Variants in TFEC observed in about 807,000 individuals in gnomAD.
The protein encoded by TFEC is transcription factor EC.
Under a neutral mutation model 41.6 loss-of-function variants are expected in TFEC, and 31 were observed. That is an observed-to-expected ratio of 0.74 (90% CI 0.56 to 1.01). TFEC has a LOEUF of 1.01. Among genes scored for constraint, TFEC ranks in the 50% least tolerant of loss-of-function variants. The pLI is 0.00. For synonymous variants in TFEC, 143 were observed against 140.6 expected (o/e 1.02, Z -0.12); for missense variants, 402 against 404.1 (o/e 0.99, Z 0.04).
chr7:116,042,438 G>A (rs187855670), intron 3 of TFEC, among the ~76,000 whole-genome samples: 12 of 152,238 alleles, frequency 7.9e-5, no homozygotes, highest in Non-Finnish European at 1.5e-4. Flanking sequence ...TATGTTCAGA[G>A]TTGTTGAGCT....
At chr7:115,997,332 C>T (rs576299639) in intron 1 of TFEC, among the ~76,000 whole-genome samples, 7 of 151,562 alleles carry the variant, frequency 4.6e-5, no homozygotes, top group African/African-American at 1.2e-4. Flanking sequence ...TATCTAAGAC[C>T]GCCAAGGTGG....
intron 3 of TFEC, among the ~76,000 whole-genome samples, chr7:116,078,791 T>G (rs1457833256): frequency 6.6e-6 from 1 of 152,098 alleles, no homozygotes; most frequent in East Asian, 1.9e-4. Context: ...CTGACACTAT[T>G]CCAAAAGATA....
At chr7:116,030,534 A>T in intron 1 of TFEC, 99 bp downstream of exon 1, 2 of 726,276 alleles carry the variant, frequency 2.8e-6, no homozygotes, top group Non-Finnish European at 1.7e-6. Flanking sequence ...TTATAATTAT[A>T]AGCAAGCCAC....
intron 2 of TFEC, among the ~76,000 whole-genome samples, chr7:115,980,653 G>A (rs1211170448): frequency 6.6e-6 from 1 of 152,096 alleles, no homozygotes; most frequent in Admixed American, 6.5e-5. Context: ...GGGAGGCTGA[G>A]GCACGACAAT....
intron 3 of TFEC, among the ~76,000 whole-genome samples, chr7:116,085,522 A>G (rs1797184307): frequency 6.6e-6 from 1 of 151,964 alleles, no homozygotes; most frequent in African/African-American, 2.4e-5. Context: ...CATTAAACAG[A>G]TACTAAAATC....
At chr7:116,042,285 C>T (rs566161942) in intron 3 of TFEC, among the ~76,000 whole-genome samples, 11 of 152,008 alleles carry the variant, frequency 7.2e-5, no homozygotes, top group African/African-American at 1.7e-4. Context: ...ACAGCATAAG[C>T]GTTAGAAGAA....
upstream of TFEC, among the ~76,000 whole-genome samples, chr7:116,034,768 C>A (rs1363890659): frequency 2.0e-5 from 3 of 151,768 alleles, no homozygotes; most frequent in Non-Finnish European, 4.4e-5. Context: ...CTTTTCTATT[C>A]AAAACTTTGT....
At chr7:116,125,483 G>T (rs1037849710) in intron 1 of TFEC, among the ~76,000 whole-genome samples, 2 of 152,186 alleles carry the variant, frequency 1.3e-5, no homozygotes, top group Admixed American at 1.3e-4. Context: ...TTTTTGAGCA[G>T]CTAAGACCAT....
At chr7:116,031,127 T>G (rs74699169), upstream of TFEC, among the ~76,000 whole-genome samples, 12 of 152,200 alleles carry the variant, frequency 7.9e-5, no homozygotes, top group East Asian at 1.9e-4. Flanking sequence ...CTTCAACAAA[T>G]TGACCTGCAT....
chr7:116,041,057 G>C (rs1796024571), intron 3 of TFEC, among the ~76,000 whole-genome samples: 1 of 152,088 alleles, frequency 6.6e-6, no homozygotes, highest in South Asian at 2.1e-4. Flanking sequence ...CTCCTGTCAT[G>C]ACACTGAGAT....
At chr7:115,998,931 C>T (rs1232825455) in intron 1 of TFEC, among the ~76,000 whole-genome samples, 1 of 151,964 alleles carries the variant, frequency 6.6e-6, no homozygotes, top group African/African-American at 2.4e-5. Context: ...ATCATCCACA[C>T]AGAAAATCAA....
chr7:115,986,846 C>G (rs1793880549), intron 1 of TFEC, among the ~76,000 whole-genome samples: 1 of 151,698 alleles, frequency 6.6e-6, no homozygotes, highest in Admixed American at 6.6e-5. Context: ...CAACATGGCA[C>G]ATGTATACAT....
chr7:115,997,291 G>T (rs553922074), intron 1 of TFEC, among the ~76,000 whole-genome samples: 1 of 152,070 alleles, frequency 6.6e-6, no homozygotes, highest in South Asian at 2.1e-4. Flanking sequence ...AAGAGTCCGT[G>T]CCAGACAACA....
chr7:116,128,738 CT>C (rs1798267065), intron 1 of TFEC, among the ~76,000 whole-genome samples: 1 of 151,920 alleles, frequency 6.6e-6, no homozygotes. Context: ...CAAACTTTTA[CT>C]ACTGATAGTT....
chr7:115,989,277 G>A (rs553162635), intron 1 of TFEC, among the ~76,000 whole-genome samples: 2 of 152,242 alleles, frequency 1.3e-5, no homozygotes, highest in South Asian at 2.1e-4. Context: ...ATCATGGGAG[G>A]AGGTTCCAAG....
chr7:115,940,497 C>T lies in TFEC; in HGVS notation c.*54G>A. 1 of 1,534,364 alleles carries T rather than the reference C, an allele frequency of 6.5e-7. No individual in the cohort carries two copies. Among genetic ancestry groups the T allele is most frequent in the East Asian group, 2.3e-5 (1 of 44,158 alleles). On this transcript the variant is annotated 3_prime_UTR_variant, in exon 8 of 8. Transcript: ENST00000265440. ...ACATATGAAACACAGAGCATAATTG[C>T]ATAGCACCAGCATAGAATTGCTTTC...
At chr7:116,048,622 T>C (rs369626007) in intron 3 of TFEC, among the ~76,000 whole-genome samples, 5 of 152,124 alleles carry the variant, frequency 3.3e-5, no homozygotes, top group Non-Finnish European at 5.9e-5. Context: ...ATTCAGGAAA[T>C]TCAAAGAATG....
intron 1 of TFEC, among the ~76,000 whole-genome samples, chr7:115,992,094 T>C (rs1794144820): frequency 6.6e-6 from 1 of 152,110 alleles, no homozygotes; most frequent in African/African-American, 2.4e-5. Flanking sequence ...AACAACCTGC[T>C]CCTGAATGAC....
At chr7:116,018,390 T>G (rs1795272127) in intron 1 of TFEC, among the ~76,000 whole-genome samples, 1 of 152,192 alleles carries the variant, frequency 6.6e-6, no homozygotes, top group African/African-American at 2.4e-5. Flanking sequence ...GGTTAATGGA[T>G]GTATGTGAGT....
Sources: gnomAD v4.1 joint callset for allele counts (sites outside exome capture counted in the v4.1 genomes callset) on GRCh38, gnomAD v4.1.1 for gene constraint, MANE v1.5 for transcripts, NCBI Gene and HGNC (gene_info 2026-07-23, HGNC 2026-07-21) for gene names.